The following HAPLN2 variants were observed in gnomAD, a reference collection of about 807,000 sequenced individuals.
HAPLN2 encodes hyaluronan and proteoglycan link protein 2.
HAPLN2 carries 27 observed loss-of-function variants against 29.3 expected under a neutral mutation model. The observed-to-expected ratio is 0.92, with a 90% confidence interval of 0.68 to 1.27. HAPLN2 has a LOEUF of 1.27. Among genes scored for constraint, HAPLN2 ranks in the 50% most tolerant of loss-of-function variants. HAPLN2 has a pLI of 0.00. For missense variants in HAPLN2, 454 were observed against 484.3 expected, an observed-to-expected ratio of 0.94 and a Z score of 0.59; for synonymous variants, 208 against 211.7, an observed-to-expected ratio of 0.98 and a Z score of 0.15.
chr1:156,621,352 G>A (rs1174222207), intron 2 of HAPLN2, among the ~76,000 whole-genome samples: 4 of 149,420 alleles, frequency 2.7e-5, no homozygotes, highest in Admixed American at 1.3e-4. Flanking sequence ...TAATCCACCC[G>A]CCTCAGCCTT....
the HAPLN2 span, among the ~76,000 whole-genome samples, chr1:156,604,847 ATTG>A: frequency 6.6e-6 from 1 of 152,000 alleles, no homozygotes; most frequent in East Asian, 1.9e-4. Flanking sequence ...AGAAGACAAT[ATTG>A]TTAAGATGAC....
At chr1:156,623,380 A>G in intron 2 of HAPLN2, 87 bp from the exon 3 acceptor site, 1 of 1,130,996 alleles carries the variant, frequency 8.8e-7, no homozygotes, top group Non-Finnish European at 1.3e-6. Context: ...CCCTTCTAGG[A>G]TCTCTGATGG....
At chr1:156,615,883 T>TA (rs1420248199), upstream of HAPLN2, among the ~76,000 whole-genome samples, 1 of 143,946 alleles carries the variant, frequency 6.9e-6, no homozygotes, top group Admixed American at 6.7e-5. Context: ...TCCCATCCCT[T>TA]AAAAAAATTT....
chr1:156,609,360 T>C, the HAPLN2 span, among the ~76,000 whole-genome samples: 1 of 152,238 alleles, frequency 6.6e-6, no homozygotes, highest in Non-Finnish European at 1.5e-5. Context: ...TATAAATGCC[T>C]TGAAAGATTG....
chr1:156,621,023 T>C (rs1223363480), intron 2 of HAPLN2, among the ~76,000 whole-genome samples: 1 of 151,880 alleles, frequency 6.6e-6, no homozygotes, highest in African/African-American at 2.4e-5. Context: ...GCATGATAAT[T>C]AACTTATGCA....
chr1:156,616,829 G>C (rs1678070147), upstream of HAPLN2, among the ~76,000 whole-genome samples: 1 of 152,148 alleles, frequency 6.6e-6, no homozygotes, highest in Admixed American at 6.5e-5. Flanking sequence ...GCTCATGCTT[G>C]TAATCCCAGC....
chr1:156,617,619 G>T (rs1678092697), upstream of HAPLN2, among the ~76,000 whole-genome samples: 1 of 149,550 alleles, frequency 6.7e-6, no homozygotes, highest in South Asian at 2.1e-4. Flanking sequence ...AAAGTGTTGG[G>T]ATTATAGGTG....
rs546164747 is a variant in HAPLN2, at chr1:156,624,685, C to A, written c.641C>A (p.Pro214Gln). The A allele has an allele frequency of 1.4e-4, 231 of 1,602,124 alleles. 5 individuals are homozygous for A. The East Asian group carries it at 3.1e-3, about 22-fold the overall frequency. ...VRYPVLTARA[P>Q]CGGRGRPGIR... ...TACCCTGTGCTCACCGCACGCGCCC[C>A]GTGCGGCGGCCGAGGCCGGCCCGGG... The change falls in exon 6 of 7, where the codon CCG (proline) becomes CAG (glutamine). Residue 214 changes from proline to glutamine, a missense_variant. This residue lies in a region of HAPLN2 where 235 missense variants were observed against 236.9 expected (regional missense o/e 0.99). Coordinates refer to ENST00000255039, the MANE Select transcript of HAPLN2 (RefSeq NM_021817.3).
At chr1:156,623,602 TG>T (rs1557976237) in intron 3 of HAPLN2, 27 bp downstream of exon 3, 1 of 1,613,222 alleles carries the variant, frequency 6.2e-7, no homozygotes. Context: ...GGCCAGAATC[TG>T]GGGGAGGCTT....
At chr1:156,618,545 C>CGAGGCAGGCGGG (rs1420191667), upstream of HAPLN2, among the ~76,000 whole-genome samples, 9 of 151,646 alleles carry the variant, frequency 5.9e-5, no homozygotes, top group South Asian at 1.9e-3. Flanking sequence ...TTTGGGAGGC[C>CGAGGCAGGCGGG]GAGGCAGGCG....
chr1:156,623,130 G>A (rs1462929255), intron 2 of HAPLN2, among the ~76,000 whole-genome samples: 1 of 151,982 alleles, frequency 6.6e-6, no homozygotes, highest in Non-Finnish European at 1.5e-5. Context: ...GCTTCAAGAT[G>A]GAGAATGGGT....
the HAPLN2 span, among the ~76,000 whole-genome samples, chr1:156,611,634 C>CA: frequency 6.6e-6 from 1 of 152,036 alleles, no homozygotes; most frequent in Non-Finnish European, 1.5e-5. Flanking sequence ...AACAAACAAA[C>CA]AAAAAAACCA....
At position 156,625,166 on chromosome 1, in the gene HAPLN2, G is replaced by A. The variant is rs895088098; in HGVS notation, c.805G>A (p.Gly269Ser). Residue 269 changes from glycine (G) to serine (S), a missense_variant, in exon 7 of 7, where the codon GGC becomes AGC. Physicochemically the swap from Gly to Ser is moderately conservative, Grantham distance 56 (BLOSUM62 0). This residue lies in a region of HAPLN2 where 235 missense variants were observed against 236.9 expected (regional missense o/e 0.99). Transcript: ENST00000255039. This position sits in a 1 kb window ranked among gnomAD's most constrained non-coding sequence, Gnocchi z 5.7. ...SEAHAACRRR[G>S]AVVAKVGHLY... ...AGCCCACGCGGCGTGCCGGCGACGC[G>A]GCGCCGTGGTGGCCAAGGTTGGGCA... is the stretch of plus-strand genomic sequence containing the variant. The A allele has an allele frequency of 1.3e-6, 2 of 1,545,042 alleles. No individual in the cohort carries two copies. Among genetic ancestry groups the A allele is most frequent in the African/African-American group, 1.4e-5 (1 of 73,002 alleles).
intron 4 of HAPLN2, 51 bp from the exon 5 acceptor site, chr1:156,624,300 C>T (rs1678364698): frequency 1.3e-6 from 2 of 1,534,952 alleles, no homozygotes; most frequent in South Asian, 1.2e-5. Context: ...GCCCTTCCTC[C>T]CCCTCCGCTC....
Position 156,624,622 on chromosome 1 carries a change from G to C in HAPLN2, c.578G>C (p.Trp193Ser), listed in dbSNP as rs1383757086. Residue 193 changes from tryptophan (W) to serine (S), a missense_variant, in exon 6 of 7, where the codon TGG becomes TCG. Around this residue, in one of 3 missense-constraint regions of HAPLN2, gnomAD observed 235 missense variants for 236.9 expected, o/e 0.99. Coordinates refer to ENST00000255039, the MANE Select transcript of HAPLN2 (RefSeq NM_021817.3). Reference protein sequence around the residue: ...LYQAWTEGLDWCNAGWLLEGS... With the variant: ...LYQAWTEGLDSCNAGWLLEGS... ...CCAGCTTGGACCGAGGGTCTGGACT[G>C]GTGTAACGCGGGCTGGCTGCTCGAG... The C allele has an allele frequency of 1.2e-6, 2 of 1,612,724 alleles. No homozygotes were observed. Among genetic ancestry groups the C allele is most frequent in the Non-Finnish European group, 1.7e-6 (2 of 1,179,656 alleles).
At chr1:156,620,965 C>T (rs1234053747) in intron 2 of HAPLN2, among the ~76,000 whole-genome samples, 4 of 152,172 alleles carry the variant, frequency 2.6e-5, no homozygotes, top group African/African-American at 7.2e-5. Flanking sequence ...TTATTCCCCA[C>T]ATTTCACTGA....
the HAPLN2 span, among the ~76,000 whole-genome samples, chr1:156,614,228 CTTT>C: frequency 2.1e-5 from 3 of 143,640 alleles, no homozygotes; most frequent in Non-Finnish European, 3.1e-5. Flanking sequence ...TTGGGGTTCA[CTTT>C]TTTTTTTTTT....
the HAPLN2 span, among the ~76,000 whole-genome samples, chr1:156,611,389 AC>A: frequency 0.24 from 35,856 of 151,758 alleles, 4,523 homozygotes; most frequent in South Asian, 0.49. Context: ...ACATGGGGAA[AC>A]CCTGTCTCTA....
chr1:156,617,351 C>CT (rs36034383), upstream of HAPLN2, among the ~76,000 whole-genome samples: 1,815 of 126,612 alleles, frequency 0.014, 57 homozygotes, highest in African/African-American at 0.045. Flanking sequence ...GGGTATGGTT[C>CT]TTTTTTTTTT....
Sources: allele counts gnomAD v4.1 joint callset (sites outside exome capture counted in the v4.1 genomes callset), GRCh38; gene constraint gnomAD v4.1.1; regional missense constraint gnomAD v4.1.1; non-coding constraint Gnocchi (gnomAD v3.1); transcripts MANE v1.5; gene names NCBI Gene and HGNC (gene_info 2026-07-23, HGNC 2026-07-21).